Variants in CDK19 observed in about 807,000 individuals in gnomAD.
CDK19 encodes cyclin dependent kinase 19, also known as cyclin-dependent kinase 19.
A neutral mutation model predicts 68.3 loss-of-function variants in CDK19; 20 were observed. The ratio of observed to expected loss-of-function variants is 0.29; its 90% CI spans 0.21 to 0.43. The LOEUF (loss-of-function observed/expected upper bound fraction) is 0.43. CDK19 is among the 20% of genes least tolerant of loss of function. The pLI is 1.00. For missense variants in CDK19, 339 were observed against 623.5 expected (o/e 0.54, Z 4.86); for synonymous variants, 221 against 222.8 (o/e 0.99, Z 0.07).
chr6:110,754,547 T>A (rs1350278978), intron 1 of CDK19, among the ~76,000 whole-genome samples: 1 of 151,310 alleles, frequency 6.6e-6, no homozygotes, highest in Non-Finnish European at 1.5e-5. Context: ...TGGCTCAATC[T>A]CAGCTCAATG....
intron 4 of CDK19, among the ~76,000 whole-genome samples, chr6:110,658,403 T>C (rs1781430426): frequency 6.6e-6 from 1 of 152,236 alleles, no homozygotes; most frequent in South Asian, 2.1e-4. Flanking sequence ...GAAATCAGAA[T>C]GATTAAGTCA....
chr6:110,710,616 G>A (rs1161354896), intron 2 of CDK19, among the ~76,000 whole-genome samples: 1 of 152,170 alleles, frequency 6.6e-6, no homozygotes, highest in Non-Finnish European at 1.5e-5. Context: ...TGTCTGGTGA[G>A]GGCCACTTCC....
intron 1 of CDK19, among the ~76,000 whole-genome samples, chr6:110,760,664 G>A (rs1004438598): frequency 2.6e-5 from 4 of 152,140 alleles, no homozygotes; most frequent in Non-Finnish European, 5.9e-5. Flanking sequence ...AGAGGTCAAG[G>A]CTGCAGTGAG....
chr6:110,617,660 T>TACACAC (rs1317691490), intron 12 of CDK19, among the ~76,000 whole-genome samples: 116 of 66,810 alleles, frequency 1.7e-3, no homozygotes, highest in South Asian at 4.5e-3. Context: ...TTTATATATA[T>TACACAC]ATACACACAC....
chr6:110,623,775 TACATATATAC>T (rs1253136966), intron 8 of CDK19, among the ~76,000 whole-genome samples: 4 of 87,062 alleles, frequency 4.6e-5, no homozygotes, highest in African/African-American at 1.7e-4. Context: ...CACATATATA[TACATATATAC>T]ACATATATAC....
At chr6:110,804,935 G>A (rs1328643949) in intron 1 of CDK19, among the ~76,000 whole-genome samples, 2 of 151,236 alleles carry the variant, frequency 1.3e-5, no homozygotes, top group Admixed American at 1.3e-4. Context: ...CAACCTGGGC[G>A]ACAGAACAAG....
At chr6:110,629,941 T>C (rs12526071) in intron 6 of CDK19, among the ~76,000 whole-genome samples, 15,342 of 152,232 alleles carry the variant, frequency 0.1, 1,156 homozygotes, top group Admixed American at 0.25. Context: ...CATTTTTCCT[T>C]ACCCTGAGGA....
chr6:110,719,213 G>GTA (rs1268420199), intron 2 of CDK19, among the ~76,000 whole-genome samples: 9 of 152,174 alleles, frequency 5.9e-5, no homozygotes. Flanking sequence ...GCCAGGTGCG[G>GTA]TAGCCCATGC....
chr6:110,802,943 T>C (rs1782435948), intron 1 of CDK19, among the ~76,000 whole-genome samples: 1 of 152,206 alleles, frequency 6.6e-6, no homozygotes, highest in Non-Finnish European at 1.5e-5. Context: ...AGCAGAATTA[T>C]ATGCATATTA....
intron 2 of CDK19, among the ~76,000 whole-genome samples, chr6:110,726,414 G>C (rs1776317816): frequency 6.6e-6 from 1 of 152,092 alleles, no homozygotes; most frequent in South Asian, 2.1e-4. Flanking sequence ...AAAGCCATCT[G>C]AATCAAATAT....
At chr6:110,623,616 G>A (rs940226436) in intron 8 of CDK19, 2 of 167,000 alleles carry the variant, frequency 1.2e-5, no homozygotes, top group Non-Finnish European at 2.4e-5. Flanking sequence ...TTGAAAATGT[G>A]TATAGCTTAT....
chr6:110,687,107 G>T (rs534389069), intron 2 of CDK19, among the ~76,000 whole-genome samples: 18 of 152,204 alleles, frequency 1.2e-4, no homozygotes, highest in African/African-American at 4.3e-4. Flanking sequence ...AAGCTATCAG[G>T]TAAAGCCCCC....
chr6:110,646,926 C>T (rs1046166394), intron 4 of CDK19, among the ~76,000 whole-genome samples: 3 of 152,016 alleles, frequency 2.0e-5, no homozygotes, highest in Non-Finnish European at 4.4e-5. Context: ...CCGCCCGCCT[C>T]CAGTCTTTTG....
At chr6:110,626,697 CTGT>C (rs1779111127) in intron 8 of CDK19, 76 bp downstream of exon 8, 2 of 857,598 alleles carry the variant, frequency 2.3e-6, no homozygotes, top group Middle Eastern at 2.6e-4. Context: ...AAACAAATTC[CTGT>C]TGTTTATAAA....
intron 2 of CDK19, among the ~76,000 whole-genome samples, chr6:110,733,271 A>T (rs1050195984): frequency 1.3e-5 from 2 of 152,208 alleles, no homozygotes; most frequent in African/African-American, 4.8e-5. Context: ...CATGTTATTA[A>T]GTACATCAAT....
chr6:110,712,233 T>A (rs572836538), intron 2 of CDK19, among the ~76,000 whole-genome samples: 21 of 152,338 alleles, frequency 1.4e-4, no homozygotes, highest in Non-Finnish European at 2.9e-4. Context: ...GCTAAGGTGT[T>A]ATGGGCCTCC....
chr6:110,689,005 C>T (rs1384482636), intron 2 of CDK19, among the ~76,000 whole-genome samples: 1 of 152,056 alleles, frequency 6.6e-6, no homozygotes, highest in Non-Finnish European at 1.5e-5. Flanking sequence ...AGGCTTATAC[C>T]CTGGGGCAGT....
chr6:110,786,076 T>G (rs886552974), intron 1 of CDK19, among the ~76,000 whole-genome samples: 1 of 152,218 alleles, frequency 6.6e-6, no homozygotes, highest in African/African-American at 2.4e-5. Flanking sequence ...TTTGGTATGG[T>G]ACCATTCCTT....
chr6:110,667,345 T>C (rs1295974982), intron 4 of CDK19, 89 bp downstream of exon 4: 1 of 838,166 alleles, frequency 1.2e-6, no homozygotes, highest in Non-Finnish European at 1.8e-6. Context: ...CTATAATTAA[T>C]GTTTTATTAT....
Sources: allele counts gnomAD v4.1 joint callset (sites outside exome capture counted in the v4.1 genomes callset), GRCh38; gene constraint gnomAD v4.1.1; transcripts MANE v1.5; gene names NCBI Gene and HGNC (gene_info 2026-07-23, HGNC 2026-07-21).